Variants in LRFN5 observed in about 807,000 individuals in gnomAD.
LRFN5 encodes the protein leucine-rich repeat and fibronectin type-III domain-containing protein 5.
A neutral mutation model predicts 45.6 loss-of-function variants in LRFN5; 24 were observed. That is an observed-to-expected ratio of 0.53 (90% CI 0.38 to 0.74). LRFN5 has a LOEUF of 0.74. Ranked by LOEUF, LRFN5 falls within the 30% of genes least tolerant of loss-of-function variation. The pLI is 0.00. For synonymous variants in LRFN5, 340 were observed against 313.8 expected (o/e 1.08, Z -0.88); for missense variants, 776 against 861.5 (o/e 0.90, Z 1.24).
intron 1 of LRFN5, among the ~76,000 whole-genome samples, chr14:41,682,459 A>T (rs1881945400): frequency 6.6e-6 from 1 of 152,094 alleles, no homozygotes; most frequent in African/African-American, 2.4e-5. Context: ...ATTAGTAGAA[A>T]AATGAAATAA....
intron 1 of LRFN5, among the ~76,000 whole-genome samples, chr14:41,756,656 G>A (rs531054987): frequency 1.7e-4 from 26 of 152,150 alleles, no homozygotes; most frequent in South Asian, 1.0e-3. Flanking sequence ...TTAGCCATTC[G>A]TCTAATTTTT....
chr14:41,867,606 C>G (rs1374816262), intron 2 of LRFN5, among the ~76,000 whole-genome samples: 1 of 152,086 alleles, frequency 6.6e-6, no homozygotes, highest in African/African-American at 2.4e-5. Flanking sequence ...GTTGATGCTT[C>G]ATGTGTACAT....
chr14:41,760,469 C>G (rs1241082424), intron 1 of LRFN5, among the ~76,000 whole-genome samples: 1 of 152,122 alleles, frequency 6.6e-6, no homozygotes. Context: ...AGAACTTGCA[C>G]TTTCTCATTT....
At chr14:41,609,315 G>GTTT (rs375230754) in intron 1 of LRFN5, among the ~76,000 whole-genome samples, 5,552 of 151,660 alleles carry the variant, frequency 0.037, 316 homozygotes, top group East Asian at 0.25. Flanking sequence ...TCCTTTGCGC[G>GTTT]TTTTTTTGTT....
chr14:41,774,884 A>G (rs1886220683), intron 2 of LRFN5, among the ~76,000 whole-genome samples: 1 of 152,132 alleles, frequency 6.6e-6, no homozygotes, highest in Non-Finnish European at 1.5e-5. Context: ...ACTCCTGATT[A>G]CATATGTAAG....
chr14:41,882,618 C>A (rs1316133639), intron 2 of LRFN5, among the ~76,000 whole-genome samples: 1 of 151,960 alleles, frequency 6.6e-6, no homozygotes, highest in South Asian at 2.1e-4. Flanking sequence ...GATAATATTC[C>A]TGTTACTCAA....
chr14:41,659,513 T>C (rs1880536018), intron 1 of LRFN5, among the ~76,000 whole-genome samples: 1 of 152,116 alleles, frequency 6.6e-6, no homozygotes, highest in Admixed American at 6.6e-5. Context: ...AATAAACATA[T>C]GGGTGCATGT....
At chr14:41,852,487 A>G (rs556096363) in intron 2 of LRFN5, among the ~76,000 whole-genome samples, 48 of 152,092 alleles carry the variant, frequency 3.2e-4, no homozygotes, top group Admixed American at 5.9e-4. Context: ...TCTAAAGAAC[A>G]TCAAAATATC....
chr14:41,693,364 A>G (rs1882465362), intron 1 of LRFN5, among the ~76,000 whole-genome samples: 1 of 152,110 alleles, frequency 6.6e-6, no homozygotes, highest in Non-Finnish European at 1.5e-5. Flanking sequence ...TTAACAATAT[A>G]GAGTCTTCCA....
chr14:41,726,520 T>C (rs1354449166), intron 1 of LRFN5, among the ~76,000 whole-genome samples: 1 of 152,148 alleles, frequency 6.6e-6, no homozygotes, highest in Middle Eastern at 3.2e-3. Context: ...ATAGGGGCAT[T>C]ATGATGCTGA....
intron 1 of LRFN5, among the ~76,000 whole-genome samples, chr14:41,711,726 T>C (rs1883291985): frequency 1.3e-5 from 2 of 152,144 alleles, no homozygotes. Flanking sequence ...CTGTTATTAA[T>C]GTAAAATCAC....
At chr14:41,886,043 G>C (rs373955035) in intron 2 of LRFN5, among the ~76,000 whole-genome samples, 107 of 122,826 alleles carry the variant, frequency 8.7e-4, no homozygotes, top group African/African-American at 2.8e-3. Context: ...AAAAAAAATA[G>C]TGAAGGTTGA....
intron 2 of LRFN5, among the ~76,000 whole-genome samples, chr14:41,858,777 A>C (rs1889561275): frequency 6.6e-6 from 1 of 152,178 alleles, no homozygotes; most frequent in South Asian, 2.1e-4. Context: ...ACACAAAAAA[A>C]ATCATGATTA....
intron 1 of LRFN5, among the ~76,000 whole-genome samples, chr14:41,697,149 G>A (rs569557765): frequency 2.6e-5 from 4 of 151,810 alleles, no homozygotes; most frequent in South Asian, 2.1e-4. Flanking sequence ...TATAGACATC[G>A]TTATTATTTC....
chr14:41,903,381 GT>G (rs1192785266), intron 5 of LRFN5, among the ~76,000 whole-genome samples: 1 of 151,354 alleles, frequency 6.6e-6, no homozygotes, highest in East Asian at 1.9e-4. Context: ...AGATGCAGTT[GT>G]TTTTTAATGG....
intron 1 of LRFN5, among the ~76,000 whole-genome samples, chr14:41,759,583 C>A (rs1233839132): frequency 3.9e-5 from 6 of 152,006 alleles, no homozygotes; most frequent in African/African-American, 1.4e-4. Context: ...GGTAAAGACT[C>A]TGATTAACAC....
At chr14:41,736,405 T>C (rs2138808148) in intron 1 of LRFN5, among the ~76,000 whole-genome samples, 1 of 152,370 alleles carries the variant, frequency 6.6e-6, no homozygotes, top group South Asian at 2.1e-4. Context: ...TAATGTCTTC[T>C]TTTGAGAAGT....
intron 2 of LRFN5, among the ~76,000 whole-genome samples, chr14:41,846,795 T>C (rs1889084354): frequency 6.6e-6 from 1 of 152,102 alleles, no homozygotes; most frequent in Admixed American, 6.6e-5. Context: ...AGAATCAACT[T>C]ATTGAGGTTG....
intron 3 of LRFN5, among the ~76,000 whole-genome samples, chr14:41,890,719 A>AG: frequency 6.8e-6 from 1 of 146,162 alleles, no homozygotes; most frequent in Admixed American, 6.9e-5. Context: ...AAAAAAAAAA[A>AG]AAAACTTTAA....
Sources: allele counts gnomAD v4.1 joint callset (sites outside exome capture counted in the v4.1 genomes callset), GRCh38; gene constraint gnomAD v4.1.1; transcripts MANE v1.5; gene names NCBI Gene and HGNC (gene_info 2026-07-23, HGNC 2026-07-21).